Variants in NAV1 observed in about 807,000 individuals in gnomAD.
NAV1 encodes the protein pore membrane and/or filament interacting like protein 3.
A neutral mutation model predicts 175.2 loss-of-function variants in NAV1; 18 were observed. That is an observed-to-expected ratio of 0.10 (90% CI 0.07 to 0.15). The LOEUF (loss-of-function observed/expected upper bound fraction) is 0.15, where lower values mean the gene tolerates loss of function less well. Ranked by LOEUF, NAV1 falls within the 10% of genes least tolerant of loss-of-function variation. The pLI is 1.00. For synonymous variants in NAV1, 897 were observed against 978.7 expected (o/e 0.92, Z 1.56); for missense variants, 1,731 against 2,436.6 (o/e 0.71, Z 6.10).
rs780878720 is a variant in NAV1, at chr1:201,811,713, C to T, written c.4908C>T (p.Ile1636=). ...ATGACCTGAGTGAAGCAGGCTCCAT[C>T]AGTGAGTTGGTCAATGGGGCCCTCA... The change falls in exon 25 of 30, where the codon ATC becomes ATT. Residue 1636 remains isoleucine, a synonymous_variant. Transcript: ENST00000367296. 5.0e-6 allele frequency: 8 copies of T among 1,611,610 alleles called. No homozygotes were observed. In the East Asian group the frequency reaches 1.6e-4, roughly 31 times the overall value.
intron 17 of NAV1, among the ~76,000 whole-genome samples, chr1:201,806,138 C>T (rs935275973): frequency 1.3e-5 from 2 of 151,964 alleles, no homozygotes; most frequent in Non-Finnish European, 2.9e-5. Context: ...GCATGCACCA[C>T]CATGTCCAAC....
At chr1:201,793,324 TAGC>T in intron 13 of NAV1, 3 of 154,300 alleles carry the variant, frequency 1.9e-5, no homozygotes, top group Non-Finnish European at 4.3e-5. Context: ...AGCAGTGGAG[TAGC>T]AGAGGAGGAA....
chr1:201,624,775 A>C (rs1275655239), intron 1 of NAV1, among the ~76,000 whole-genome samples: 2 of 152,202 alleles, frequency 1.3e-5, no homozygotes, highest in Non-Finnish European at 2.9e-5. Context: ...CTTCCTGACT[A>C]AACTAACTTC....
At chr1:201,633,273 TGTGCAGGGCATA>T (rs1668528766) in intron 2 of NAV1, among the ~76,000 whole-genome samples, 1 of 152,228 alleles carries the variant, frequency 6.6e-6, no homozygotes, top group African/African-American at 2.4e-5. Context: ...TACCCTACTA[TGTGCAGGGCATA>T]GTGCCAAGTG....
At chr1:201,733,082 C>T (rs948785348) in intron 3 of NAV1, among the ~76,000 whole-genome samples, 2 of 145,950 alleles carry the variant, frequency 1.4e-5, no homozygotes, top group African/African-American at 5.1e-5. Flanking sequence ...AAAACCAAAA[C>T]AAAAAAGAAA....
chr1:201,776,042 C>T (rs1675915643), intron 3 of NAV1, among the ~76,000 whole-genome samples: 1 of 152,050 alleles, frequency 6.6e-6, no homozygotes, highest in South Asian at 2.1e-4. Context: ...GGTAAGAATA[C>T]AAGATCCCGT....
chr1:201,549,193 C>T (rs1665771651), intron 1 of NAV1, among the ~76,000 whole-genome samples: 2 of 142,034 alleles, frequency 1.4e-5, no homozygotes, highest in Admixed American at 1.5e-4. Flanking sequence ...TCCTTCCTTC[C>T]TTCCTTCTTT....
upstream of NAV1, among the ~76,000 whole-genome samples, chr1:201,619,648 TGG>T (rs1257757646): frequency 3.3e-5 from 5 of 151,108 alleles, no homozygotes; most frequent in Non-Finnish European, 7.4e-5. Flanking sequence ...CTTGGCATGC[TGG>T]GGCTGGGAGC....
intron 1 of NAV1, among the ~76,000 whole-genome samples, chr1:201,581,400 C>T (rs547307553): frequency 9.9e-5 from 15 of 151,986 alleles, no homozygotes; most frequent in Admixed American, 2.6e-4. Context: ...AAGAAAGAAA[C>T]GGAGTTTAGC....
intron 1 of NAV1, among the ~76,000 whole-genome samples, chr1:201,568,047 A>G (rs938999361): frequency 6.6e-6 from 1 of 152,188 alleles, no homozygotes; most frequent in Non-Finnish European, 1.5e-5. Flanking sequence ...GTGAGTGCCT[A>G]GGACCACGTA....
intron 1 of NAV1, among the ~76,000 whole-genome samples, chr1:201,571,865 G>A (rs1666554026): frequency 6.6e-6 from 1 of 152,170 alleles, no homozygotes; most frequent in Non-Finnish European, 1.5e-5. Flanking sequence ...CACAGGGGAA[G>A]GGCACAAACA....
chr1:201,783,418 G>C, exon 7 of NAV1: 1 of 1,613,750 alleles, frequency 6.2e-7, no homozygotes. Context: ...CCACAGCGAA[G>C]AGCTTTGTCA....
intron 1 of NAV1, among the ~76,000 whole-genome samples, chr1:201,659,647 A>C (rs758549484): frequency 3.3e-5 from 5 of 152,210 alleles, no homozygotes; most frequent in Non-Finnish European, 7.3e-5. Flanking sequence ...TAAATAAAAT[A>C]AATAAAGGAA....
At chr1:201,672,057 T>C (rs1470256092) in intron 1 of NAV1, among the ~76,000 whole-genome samples, 1 of 152,178 alleles carries the variant, frequency 6.6e-6, no homozygotes, top group Non-Finnish European at 1.5e-5. Context: ...CTTCCTTCTC[T>C]ACTTTCTCTC....
At chr1:201,649,256 T>C (rs1669093963) in exon 1 of NAV1, 2 of 1,613,138 alleles carry the variant, frequency 1.2e-6, no homozygotes, top group Non-Finnish European at 1.7e-6. Flanking sequence ...TGAGCGAAGA[T>C]GGCAAATCGG....
At chr1:201,721,457 C>T (rs561070390) in intron 3 of NAV1, among the ~76,000 whole-genome samples, 1 of 152,368 alleles carries the variant, frequency 6.6e-6, no homozygotes, top group South Asian at 2.1e-4. Context: ...TAATTAGTAA[C>T]AGGGCAACCT....
Position 201,663,482 on chromosome 1 carries a change from G to C in NAV1, c.757+14057G>C, listed in dbSNP as rs541902224. On this transcript the variant is annotated intron_variant, in intron 1 of 29. Coordinates refer to ENST00000367296, the Ensembl canonical transcript of NAV1. ...TGACCTATAGCTTTACCTTGGATTT[G>C]TCATTTCCCTCTCTGTCCCGGGTTC... Among the ~76,000 whole-genome samples the C allele has an allele frequency of 1.1e-3, 162 of 152,246 alleles. 2 individuals carry two copies. The highest frequency in any genetic ancestry group is 4.4e-3 in the Admixed American group (67 of 15,306).
Position 201,778,754 on chromosome 1 carries a change from A to G in NAV1, c.1227-1667A>G, listed in dbSNP as rs560315219. Among the ~76,000 whole-genome samples, 7 of 152,340 alleles carry G rather than the reference A, an allele frequency of 4.6e-5. No individual in the cohort carries two copies. In the South Asian group the frequency reaches 1.5e-3, roughly 32 times the overall value. Reference sequence around the variant, plus strand: ...AAATGTCCAAACCACCCACTTTCCTATTCCCAGCACATGAATTAGAGGGAG... The same window carrying G: ...AAATGTCCAAACCACCCACTTTCCTGTTCCCAGCACATGAATTAGAGGGAG... On this transcript the variant is annotated intron_variant, in intron 3 of 29. Coordinates refer to ENST00000367296, the Ensembl canonical transcript of NAV1.
At chr1:201,574,797 TATCCTC>T (rs1368171407) in intron 1 of NAV1, among the ~76,000 whole-genome samples, 8 of 152,164 alleles carry the variant, frequency 5.3e-5, no homozygotes, top group Non-Finnish European at 1.5e-5. Flanking sequence ...TGCCTCTGTT[TATCCTC>T]TGCACAGACA....
Sources: allele counts gnomAD v4.1 joint callset (sites outside exome capture counted in the v4.1 genomes callset), GRCh38; gene constraint gnomAD v4.1.1; transcripts MANE v1.5; gene names NCBI Gene and HGNC (gene_info 2026-07-23, HGNC 2026-07-21).